The following PTPN14 variants were observed in gnomAD, a reference collection of about 807,000 sequenced individuals.
PTPN14 encodes tyrosine-protein phosphatase non-receptor type 14.
PTPN14 carries 53 observed loss-of-function variants against 126.8 expected under a neutral mutation model. The ratio of observed to expected loss-of-function variants is 0.42; its 90% confidence interval spans 0.34 to 0.53. The LOEUF (loss-of-function observed/expected upper bound fraction) is 0.53, where lower values mean the gene tolerates loss of function less well. PTPN14 is among the 20% of genes least tolerant of loss of function. The probability of loss-of-function intolerance (pLI) is 0.08; values close to 1 mark genes in which losing one functional copy is unlikely to be tolerated. For missense variants in PTPN14, 1,257 were observed against 1,552.9 expected (o/e 0.81, Z 3.20); for synonymous variants, 630 against 599.3 (o/e 1.05, Z -0.75).
intron 1 of PTPN14, among the ~76,000 whole-genome samples, chr1:214,508,976 AACAGATGTGCTATCATCC>A (rs921122758): frequency 6.6e-6 from 1 of 152,238 alleles, no homozygotes; most frequent in Non-Finnish European, 1.5e-5. Flanking sequence ...CCATGCTGAA[AACAGATGTGCTATCATCC>A]AGGCTTTGTT....
At chr1:214,401,609 T>C (rs1347963930) in intron 7 of PTPN14, 76 bp downstream of exon 7, 3 of 1,291,200 alleles carry the variant, frequency 2.3e-6, no homozygotes, top group Non-Finnish European at 3.2e-6. Flanking sequence ...TCTGGCCCAC[T>C]GCTATCAACA....
At chr1:214,521,892 TG>T (rs143117671) in intron 1 of PTPN14, among the ~76,000 whole-genome samples, 10,233 of 150,792 alleles carry the variant, frequency 0.068, 513 homozygotes, top group East Asian at 0.27. Context: ...AGATTTTTGT[TG>T]TTTTTTTTTT....
intron 3 of PTPN14, among the ~76,000 whole-genome samples, chr1:214,431,230 A>G (rs1235353206): frequency 6.6e-6 from 1 of 152,222 alleles, no homozygotes; most frequent in African/African-American, 2.4e-5. Context: ...CAATGGTAAG[A>G]CATTATGTAT....
rs577717275 is a variant in PTPN14, at chr1:214,488,357, G to C, written c.-154-23400C>G. Among the ~76,000 whole-genome samples the C allele has an allele frequency of 9.2e-5, 14 of 152,254 alleles. No homozygotes were observed. In the South Asian group the frequency reaches 1.9e-3, roughly 20 times the overall value. Reference sequence around the variant, plus strand: ...AGACAATAGGGATAAAACTGTTTAAGACAGACACAGCTGTGCTGCTCTCAC... The same window carrying C: ...AGACAATAGGGATAAAACTGTTTAACACAGACACAGCTGTGCTGCTCTCAC... On this transcript the variant is annotated intron_variant, in intron 1 of 18. Transcript: ENST00000366956.
intron 3 of PTPN14, among the ~76,000 whole-genome samples, chr1:214,426,781 T>G (rs1659673846): frequency 6.6e-6 from 1 of 152,146 alleles, no homozygotes; most frequent in Admixed American, 6.5e-5. Context: ...TAAATGTCTC[T>G]TTAGGAACCA....
chr1:214,546,709 G>T, intron 1 of PTPN14, among the ~76,000 whole-genome samples: 1 of 152,146 alleles, frequency 6.6e-6, no homozygotes, highest in East Asian at 1.9e-4. Context: ...GGGATGGCCA[G>T]CTAGGGTTAC....
At position 214,369,709 on chromosome 1, in the gene PTPN14, GC is replaced by G. The variant is rs1658169190; in HGVS notation, c.3037-19del. The G allele has an allele frequency of 6.2e-7, 1 of 1,605,888 alleles. No homozygotes were observed. The highest frequency in any genetic ancestry group is 2.2e-5 in the East Asian group (1 of 44,820). Reference sequence around the variant, plus strand: ...CCACCCTCCTAAATCACATATAAAAGCAAAATTGGAAATAGGTCAAGGGAAG... The same window carrying G: ...CCACCCTCCTAAATCACATATAAAAGAAAATTGGAAATAGGTCAAGGGAAG... On this transcript the variant is annotated intron_variant, in intron 16 of 18. Transcript: ENST00000366956.
chr1:214,507,654 A>G (rs1654874499), intron 1 of PTPN14, among the ~76,000 whole-genome samples: 1 of 152,162 alleles, frequency 6.6e-6, no homozygotes, highest in Non-Finnish European at 1.5e-5. Context: ...GTCAATATCA[A>G]TTACAGGCAT....
At chr1:214,516,246 A>G (rs1655100001) in intron 1 of PTPN14, among the ~76,000 whole-genome samples, 1 of 152,192 alleles carries the variant, frequency 6.6e-6, no homozygotes, top group African/African-American at 2.4e-5. Context: ...AAGCCACACT[A>G]TTGAAGGGGT....
chr1:214,442,442 T>C (rs1056713747), intron 3 of PTPN14, among the ~76,000 whole-genome samples: 1 of 152,206 alleles, frequency 6.6e-6, no homozygotes, highest in African/African-American at 2.4e-5. Context: ...GGCTAAAACA[T>C]ACGTATAAGC....
intron 1 of PTPN14, among the ~76,000 whole-genome samples, chr1:214,482,547 C>T (rs12096551): frequency 0.83 from 125,261 of 151,542 alleles, 51,835 homozygotes; most frequent in African/African-American, 0.89. Flanking sequence ...AGAGGCATGC[C>T]GTAGATGGGC....
chr1:214,355,816 C>T lies in PTPN14; in HGVS notation c.*2106G>A, dbSNP rs1214420120. 6.6e-6 allele frequency: 1 copy of T among 152,070 alleles called. No homozygotes were observed. The highest frequency in any genetic ancestry group is 2.4e-5 in the African/African-American group (1 of 41,394). 9.4% of individuals were successfully genotyped at this position (152,070 alleles called of 1,614,324 possible). On this transcript the variant is annotated 3_prime_UTR_variant, in exon 19 of 19. Transcript: ENST00000366956. ...ACTTTTTCTGGTTGATTTGATGTCA[C>T]TCCATCTTTTTAGCTCACGGGGGAC...
rs181932811 is a variant in PTPN14 at position 214,487,047 on chromosome 1, C to G, written c.-154-22090G>C. ...TAAATACTGGAAAAAAATCTGTATGCTTTTATATTTTCACAGGTAAGTGCA... is the reference window on the plus strand; with the variant it reads ...TAAATACTGGAAAAAAATCTGTATGGTTTTATATTTTCACAGGTAAGTGCA... On this transcript the variant is annotated intron_variant, in intron 1 of 18. Coordinates refer to ENST00000366956, the MANE Select transcript of PTPN14 (RefSeq NM_005401.5). Among the ~76,000 whole-genome samples, 314 of 152,154 alleles carry G rather than the reference C, an allele frequency of 2.1e-3. 2 individuals carry two copies. Among genetic ancestry groups the G allele is most frequent in the African/African-American group, 7.4e-3 (306 of 41,498 alleles).
chr1:214,433,949 CACAAAAA>C (rs538466592), intron 3 of PTPN14, among the ~76,000 whole-genome samples: 27,567 of 62,640 alleles, frequency 0.44, 3,049 homozygotes, highest in Middle Eastern at 0.48. Context: ...CACACACACA[CACAAAAA>C]AAAAAAAAAA....
chr1:214,527,276 T>C (rs572867664), intron 1 of PTPN14, among the ~76,000 whole-genome samples: 3 of 152,268 alleles, frequency 2.0e-5, no homozygotes, highest in African/African-American at 7.2e-5. Flanking sequence ...ACAGAATATA[T>C]TGGGTCTATA....
Position 214,351,524 on chromosome 1 carries a change from G to A in PTPN14, c.*6398C>T, listed in dbSNP as rs1657709226. On this transcript the variant is annotated 3_prime_UTR_variant, in exon 19 of 19. Transcript: ENST00000366956. Reference sequence around the variant, plus strand: ...GCACCTCTGAGATCACAGGGGAGAAGAATCAAGAAATCCAAGAGCCGGGGC... The same window carrying A: ...GCACCTCTGAGATCACAGGGGAGAAAAATCAAGAAATCCAAGAGCCGGGGC... 6.6e-6 allele frequency: 1 copy of A among 152,212 alleles called. No individual in the cohort carries two copies. Among genetic ancestry groups the A allele is most frequent in the Non-Finnish European group, 1.5e-5 (1 of 68,064 alleles). The allele number at this position is 152,212 out of a possible 1,614,324, so 9.4% of individuals were successfully genotyped here. A position where few individuals can be genotyped will look rare whatever the true frequency, so the allele number is the denominator to read the frequency against.
chr1:214,432,398 G>T (rs563992708), intron 3 of PTPN14, among the ~76,000 whole-genome samples: 6 of 152,216 alleles, frequency 3.9e-5, no homozygotes, highest in African/African-American at 1.2e-4. Flanking sequence ...TTTTCATTTC[G>T]CTGGCAGTAA....
At chr1:214,505,273 C>A (rs1654811540) in intron 1 of PTPN14, among the ~76,000 whole-genome samples, 1 of 151,990 alleles carries the variant, frequency 6.6e-6, no homozygotes, top group South Asian at 2.1e-4. Flanking sequence ...AGGAGGAGAA[C>A]CTTCAACAAA....
chr1:214,514,983 A>T (rs1655065077), intron 1 of PTPN14, among the ~76,000 whole-genome samples: 2 of 152,164 alleles, frequency 1.3e-5, no homozygotes, highest in African/African-American at 4.8e-5. Flanking sequence ...GACAATAAAC[A>T]AGCATCCATC....
Sources: allele counts gnomAD v4.1 joint callset (sites outside exome capture counted in the v4.1 genomes callset), GRCh38; gene constraint gnomAD v4.1.1; transcripts MANE v1.5; gene names NCBI Gene and HGNC (gene_info 2026-07-23, HGNC 2026-07-21).